The following DPY19L2 variants were observed in gnomAD, a reference collection of about 807,000 sequenced individuals.
The protein encoded by DPY19L2 is probable C-mannosyltransferase DPY19L2.
A neutral mutation model predicts 97.9 loss-of-function variants in DPY19L2; 34 were observed. The ratio of observed to expected loss-of-function variants is 0.35; its 90% CI spans 0.26 to 0.46. The LOEUF (loss-of-function observed/expected upper bound fraction) is 0.46. Ranked by LOEUF, DPY19L2 falls within the 20% of genes least tolerant of loss-of-function variation. The probability of loss-of-function intolerance (pLI) is 1.00; values close to 1 mark genes in which losing one functional copy is unlikely to be tolerated. For synonymous variants in DPY19L2, 230 were observed against 307.9 expected (o/e 0.75, Z 2.65); for missense variants, 623 against 911.4 (o/e 0.68, Z 4.07).
At chr12:63,613,145 T>C (rs984076299) in intron 11 of DPY19L2, among the ~76,000 whole-genome samples, 3 of 152,094 alleles carry the variant, frequency 2.0e-5, no homozygotes, top group African/African-American at 7.2e-5. Flanking sequence ...ACTTCATAAC[T>C]CATTTTATGA....
intron 6 of DPY19L2, among the ~76,000 whole-genome samples, chr12:63,640,212 G>T (rs896502731): frequency 6.6e-6 from 1 of 152,080 alleles, no homozygotes; most frequent in African/African-American, 2.4e-5. Flanking sequence ...GAGGTTGGGG[G>T]AAGAAGGAGG....
intron 11 of DPY19L2, among the ~76,000 whole-genome samples, chr12:63,615,530 G>A (rs1393028242): frequency 6.6e-6 from 1 of 152,110 alleles, no homozygotes; most frequent in Non-Finnish European, 1.5e-5. Context: ...AAAGGAACAT[G>A]CTTAGCTACA....
At chr12:63,652,246 G>T (rs1208094740) in intron 4 of DPY19L2, among the ~76,000 whole-genome samples, 1 of 152,082 alleles carries the variant, frequency 6.6e-6, no homozygotes, top group Non-Finnish European at 1.5e-5. Flanking sequence ...CAATCGGAAT[G>T]GCTATTATTA....
intron 12 of DPY19L2, among the ~76,000 whole-genome samples, chr12:63,604,047 T>G (rs974689342): frequency 5.3e-5 from 8 of 152,198 alleles, no homozygotes; most frequent in African/African-American, 1.7e-4. Context: ...TCTTTAAGGT[T>G]CTCTGCTAGC....
At chr12:63,664,519 G>A (rs780505910) in intron 2 of DPY19L2, among the ~76,000 whole-genome samples, 11 of 151,982 alleles carry the variant, frequency 7.2e-5, no homozygotes, top group East Asian at 1.9e-4. Context: ...CTGTTGAAAA[G>A]GGTTCAGAAT....
intron 19 of DPY19L2, among the ~76,000 whole-genome samples, chr12:63,571,215 C>A (rs1467037118): frequency 3.3e-5 from 5 of 152,060 alleles, no homozygotes; most frequent in Non-Finnish European, 7.4e-5. Flanking sequence ...TGAGGTGGAA[C>A]AATGTCATCC....
chr12:63,609,163 AGCAGAGAAGCACCACCCCTG>A (rs1215743654), intron 11 of DPY19L2, among the ~76,000 whole-genome samples: 2 of 152,162 alleles, frequency 1.3e-5, no homozygotes, highest in African/African-American at 4.8e-5. Context: ...AATATTAATC[AGCAGAGAAGCACCACCCCTG>A]GCAGTCTTTA....
At chr12:63,634,760 G>T (rs1476895317) in intron 6 of DPY19L2, among the ~76,000 whole-genome samples, 2 of 152,184 alleles carry the variant, frequency 1.3e-5, no homozygotes, top group African/African-American at 4.8e-5. Context: ...ACTGAGGCTT[G>T]AGTAGGTAAA....
intron 21 of DPY19L2, among the ~76,000 whole-genome samples, chr12:63,564,474 T>C (rs1465310829): frequency 6.6e-6 from 1 of 152,162 alleles, no homozygotes; most frequent in African/African-American, 2.4e-5. Context: ...CCTCCTTTTG[T>C]TTCTTCTTGA....
intron 16 of DPY19L2, among the ~76,000 whole-genome samples, chr12:63,591,480 T>C (rs1298944401): frequency 6.6e-6 from 1 of 152,116 alleles, no homozygotes; most frequent in Non-Finnish European, 1.5e-5. Flanking sequence ...AGTTGAACAC[T>C]AAAAAACATG....
At chr12:63,636,256 T>C (rs1248252159) in intron 6 of DPY19L2, among the ~76,000 whole-genome samples, 2 of 152,014 alleles carry the variant, frequency 1.3e-5, no homozygotes, top group Non-Finnish European at 2.9e-5. Context: ...CAGGCCTGCC[T>C]TACAAGAGCT....
In DPY19L2 at chr12:63,656,580, T is replaced by C. The variant is rs540453450; in HGVS notation, c.588+4764A>G. On this transcript the variant is annotated intron_variant, in intron 4 of 21. Coordinates refer to ENST00000324472, the MANE Select transcript of DPY19L2 (RefSeq NM_173812.5). The stretch of plus-strand genomic sequence containing the variant: ...TTCTCTGAGTTTCTTGGATCTGTGG[T>C]TTGGTATCTGTCACTAATTTTGGAA... Among the ~76,000 whole-genome samples the C allele has an allele frequency of 9.8e-5, 15 of 152,326 alleles. No homozygotes were observed. The South Asian group carries it at 1.7e-3, about 17-fold the overall frequency.
At chr12:63,588,167 T>C (rs1882139339) in intron 16 of DPY19L2, among the ~76,000 whole-genome samples, 2 of 152,052 alleles carry the variant, frequency 1.3e-5, no homozygotes, top group South Asian at 4.1e-4. Flanking sequence ...GAGAACAACC[T>C]TCATAAATAT....
At chr12:63,655,006 A>G (rs1451451782) in intron 4 of DPY19L2, among the ~76,000 whole-genome samples, 2 of 152,260 alleles carry the variant, frequency 1.3e-5, no homozygotes, top group South Asian at 4.1e-4. Context: ...CAACAACACT[A>G]TGCAAAAGAC....
At chr12:63,620,152 G>A (rs1888458160) in intron 9 of DPY19L2, 1 of 309,064 alleles carries the variant, frequency 3.2e-6, no homozygotes, top group Non-Finnish European at 6.4e-6. Context: ...TTAGTATCAT[G>A]AAATGTCATC....
intron 16 of DPY19L2, among the ~76,000 whole-genome samples, chr12:63,584,649 C>T (rs1881476651): frequency 6.6e-6 from 1 of 152,104 alleles, no homozygotes; most frequent in African/African-American, 2.4e-5. Flanking sequence ...CATGTAGTTA[C>T]CATCTTAGTT....
At chr12:63,573,340 T>C (rs1009063896) in intron 19 of DPY19L2, among the ~76,000 whole-genome samples, 31 of 152,036 alleles carry the variant, frequency 2.0e-4, no homozygotes, top group African/African-American at 6.3e-4. Context: ...AATAGCAGAA[T>C]TGATCAAGCA....
At chr12:63,654,744 A>T (rs1894737530) in intron 4 of DPY19L2, among the ~76,000 whole-genome samples, 1 of 152,152 alleles carries the variant, frequency 6.6e-6, no homozygotes, top group African/African-American at 2.4e-5. Context: ...AGGAAGAAAA[A>T]GTCATCGTTA....
At chr12:63,624,603 T>A (rs77113232) in intron 7 of DPY19L2, among the ~76,000 whole-genome samples, 15,769 of 151,988 alleles carry the variant, frequency 0.1, 1,029 homozygotes, top group East Asian at 0.28. Context: ...ACACTTCGAA[T>A]AGCTAGGATT....
Sources: allele counts gnomAD v4.1 joint callset (sites outside exome capture counted in the v4.1 genomes callset), GRCh38; gene constraint gnomAD v4.1.1; transcripts MANE v1.5; gene names NCBI Gene and HGNC (gene_info 2026-07-23, HGNC 2026-07-21).